Variants in MADD observed in about 807,000 individuals in gnomAD.
The protein encoded by MADD is MAP kinase activating death domain.
In MADD, 109 loss-of-function variants were observed where a neutral mutation model predicts 176.7. The ratio of observed to expected loss-of-function variants is 0.62; its 90% CI spans 0.53 to 0.72. The LOEUF (loss-of-function observed/expected upper bound fraction) is 0.72. Ranked by LOEUF, MADD falls within the 30% of genes least tolerant of loss-of-function variation. MADD has a pLI of 0.00. For synonymous variants in MADD, 771 were observed against 771.3 expected, an observed-to-expected ratio of 1.00 and a Z score of 0.01; for missense variants, 1,914 against 2,045.5, an observed-to-expected ratio of 0.94 and a Z score of 1.24.
intron 20 of MADD, 127 bp downstream of exon 22, chr11:47,294,110 G>A (rs982635214): frequency 1.2e-5 from 9 of 747,442 alleles, no homozygotes; most frequent in Non-Finnish European, 2.0e-5. Context: ...AGCACTTTGG[G>A]AGGCCGAGGC....
At chr11:47,318,278 T>TGTTCC (rs1399409550) in intron 27 of MADD, among the ~76,000 whole-genome samples, 1 of 152,240 alleles carries the variant, frequency 6.6e-6, no homozygotes, top group African/African-American at 2.4e-5. Context: ...GCCTATGTTA[T>TGTTCC]CTGTTCCCCT....
chr11:47,329,192 CT>C (rs755863214), exon 33 of MADD: 6 of 1,482,374 alleles, frequency 4.0e-6, no homozygotes, highest in Middle Eastern at 1.8e-4. Context: ...GGGCACGCCC[CT>C]GGCCCCTTGC....
intron 1 of MADD, among the ~76,000 whole-genome samples, chr11:47,272,978 A>C (rs757157651): frequency 1.3e-5 from 2 of 152,206 alleles, no homozygotes; most frequent in Non-Finnish European, 2.9e-5. Context: ...AGATTAGGCA[A>C]TTGGGGCATG....
chr11:47,318,435 G>A (rs997862744), intron 27 of MADD, among the ~76,000 whole-genome samples: 1 of 152,192 alleles, frequency 6.6e-6, no homozygotes, highest in African/African-American at 2.4e-5. Context: ...TAAAGTGTTA[G>A]AATTTGGCTA....
At chr11:47,311,496 G>A (rs1334050110) in intron 25 of MADD, among the ~76,000 whole-genome samples, 1 of 152,148 alleles carries the variant, frequency 6.6e-6, no homozygotes, top group Non-Finnish European at 1.5e-5. Context: ...CCTGGAACCA[G>A]AACCGCTCTA....
At chr11:47,286,033 C>T (rs1216829803) in intron 14 of MADD, among the ~76,000 whole-genome samples, 1 of 152,194 alleles carries the variant, frequency 6.6e-6, no homozygotes, top group East Asian at 1.9e-4. Context: ...GTCGTATCAG[C>T]TAAAGATTGA....
chr11:47,285,563 G>A, exon 14 of MADD: 1 of 1,614,142 alleles, frequency 6.2e-7, no homozygotes, highest in Non-Finnish European at 8.5e-7. Flanking sequence ...CAGCACCGAG[G>A]GCTTCGGGGG....
At chr11:47,310,869 T>C (rs1390420502) in intron 25 of MADD, among the ~76,000 whole-genome samples, 3 of 148,050 alleles carry the variant, frequency 2.0e-5, no homozygotes, top group African/African-American at 5.0e-5. Flanking sequence ...ATTCCACCAT[T>C]GTACTCCAGC....
chr11:47,308,726 T>G (rs1260525326), intron 23 of MADD, 27 bp downstream of exon 25: 1 of 1,583,022 alleles, frequency 6.3e-7, no homozygotes, highest in African/African-American at 1.3e-5. Flanking sequence ...GAAGGCCCTT[T>G]GCACTGGAGA....
chr11:47,322,561 G>T (rs1187991647), intron 27 of MADD, among the ~76,000 whole-genome samples: 2 of 152,134 alleles, frequency 1.3e-5, no homozygotes, highest in Admixed American at 6.5e-5. Context: ...GCAGTGAGAC[G>T]GGATTGCGCC....
intron 22 of MADD, among the ~76,000 whole-genome samples, chr11:47,300,826 C>A (rs1817315949): frequency 6.6e-6 from 1 of 152,124 alleles, no homozygotes. Flanking sequence ...CAGATTCAAT[C>A]TCATTACTTG....
chr11:47,322,593 CAG>C (rs1431648585), intron 27 of MADD, among the ~76,000 whole-genome samples: 12 of 152,200 alleles, frequency 7.9e-5, no homozygotes, highest in African/African-American at 2.4e-4. Flanking sequence ...GCCTGGGCGA[CAG>C]AGCGAGATCC....
chr11:47,290,864 A>G, intron 19 of MADD, 48 bp downstream of exon 20: 1 of 1,446,298 alleles, frequency 6.9e-7, no homozygotes, highest in Non-Finnish European at 9.6e-7. Flanking sequence ...GGCTTCTTAA[A>G]TATCCCTTTC....
intron 22 of MADD, among the ~76,000 whole-genome samples, chr11:47,308,078 T>C (rs1250280877): frequency 6.6e-6 from 1 of 152,262 alleles, no homozygotes; most frequent in Admixed American, 6.5e-5. Flanking sequence ...CATTTCTCAG[T>C]TACTGGCCAG....
At position 47,283,384 on chromosome 11, in the gene MADD, C is replaced by T. The variant is rs566107738; in HGVS notation, c.1862+415C>T. On this transcript the variant is annotated intron_variant, in intron 10 of 32. Transcript: ENST00000402192. ...CTGAGAATACAGGCGTGAGCCACCG[C>T]GCCCGGCCTTATTTATTTATTTTTG... 6.8e-3 allele frequency among the ~76,000 whole-genome samples: 1,039 copies of T among 152,140 alleles called. 7 individuals carry two copies. Among genetic ancestry groups the T allele is most frequent in the South Asian group, 0.023 (111 of 4,816 alleles).
At chr11:47,290,288 A>G in exon 18 of MADD, 1 of 1,613,920 alleles carries the variant, frequency 6.2e-7, no homozygotes, top group East Asian at 2.2e-5. Context: ...CAGACCCACT[A>G]CTATAGTAAA....
intron 19 of MADD, chr11:47,292,580 A>G (rs1185540000): frequency 1.3e-5 from 21 of 1,614,056 alleles, no homozygotes; most frequent in Non-Finnish European, 1.8e-5. Context: ...AAAAGCAAAA[A>G]GCTTTGGAAA....
At position 47,289,935 on chromosome 11, in the gene MADD, A is replaced by G. The variant is rs772747812; in HGVS notation, c.2825A>G (p.Asn942Ser). The change falls in exon 17 of 33, where the codon AAC (asparagine) becomes AGC (serine). Residue 942 changes from asparagine (N) to serine (S), a missense_variant. Physicochemically the swap from Asn to Ser is conservative, Grantham distance 46. Coordinates refer to ENST00000402192, the Ensembl canonical transcript of MADD. The stretch of plus-strand genomic sequence containing the variant: ...GACGGCCAGGGAGTTGGCTGGCTCA[A>G]CATGAAAAAGGTGCGCCGGCTGCTG... The G allele has an allele frequency of 3.7e-6, 6 of 1,614,066 alleles. No individual in the cohort carries two copies. Among genetic ancestry groups the G allele is most frequent in the African/African-American group, 2.7e-5 (2 of 74,928 alleles).
chr11:47,290,116 T>C (rs377401451), intron 17 of MADD, 33 bp from the exon 19 acceptor site: 7 of 1,612,472 alleles, frequency 4.3e-6, no homozygotes, highest in Non-Finnish European at 5.9e-6. Flanking sequence ...CACAGGCAAT[T>C]TGCCAACGCT....
Sources: allele counts gnomAD v4.1 joint callset (sites outside exome capture counted in the v4.1 genomes callset), GRCh38; gene constraint gnomAD v4.1.1; transcripts MANE v1.5; gene names NCBI Gene and HGNC (gene_info 2026-07-23, HGNC 2026-07-21).